Variants in SERPINB8 observed in about 807,000 individuals in gnomAD.
SERPINB8 encodes the protein serpin B8.
Under a neutral mutation model 35.3 loss-of-function variants are expected in SERPINB8, and 25 were observed. That is an observed-to-expected ratio of 0.71 (90% CI 0.52 to 0.99). The LOEUF is 0.99. SERPINB8 is among the 50% of genes least tolerant of loss of function. The pLI is 0.00. For synonymous variants in SERPINB8, 186 were observed against 160.8 expected (o/e 1.16, Z -1.19); for missense variants, 484 against 446.5 (o/e 1.08, Z -0.76).
rs144666367 is a variant in SERPINB8 at position 63,987,003 on chromosome 18, C to T, written c.850C>T (p.Arg284Ter). ...GAGTTATGACTTGGAGCCTTTCCTT[C>T]GAAGATTAGGAATGATCGATGCTTT... ...EESYDLEPFLRRLGMIDAFDE... is the reference protein window; with the variant it reads ...EESYDLEPFL The change falls in exon 7 of 7, where the codon CGA (arginine) becomes TGA (stop). Residue 284 changes from arginine (R) to a stop codon, truncating the protein, a stop_gained. Coordinates refer to ENST00000397985, the MANE Select transcript of SERPINB8 (RefSeq NM_002640.4). LOFTEE classifies it high-confidence loss of function. The T allele has an allele frequency of 4.5e-4, 729 of 1,614,170 alleles. 2 individuals carry two copies. Among genetic ancestry groups the T allele is most frequent in the Non-Finnish European group, 2.5e-4 (294 of 1,180,032 alleles).
At chr18:64,017,554 G>T (rs1568085037) in intron 7 of SERPINB8, among the ~76,000 whole-genome samples, 2 of 152,194 alleles carry the variant, frequency 1.3e-5, no homozygotes, top group East Asian at 3.9e-4. Context: ...TCCTGTACAT[G>T]AACTAGTTGA....
Position 63,987,278 on chromosome 18 carries a change from A to G in SERPINB8, c.1125A>G (p.Ter375=). 1.9e-6 allele frequency: 3 copies of G among 1,608,572 alleles called. No homozygotes were observed. Among genetic ancestry groups the G allele is most frequent in the Non-Finnish European group, 2.5e-6 (3 of 1,176,650 alleles). The change falls in exon 7 of 7, where the codon TAA becomes TAG. Residue 375 remains the stop codon, a stop_retained_variant. Coordinates refer to ENST00000397985, the MANE Select transcript of SERPINB8 (RefSeq NM_002640.4). ...ILFCGRFSSP[*] is the part of the protein sequence containing the mutation. ...TCTGTGGCAGGTTCTCTTCTCCGTA[A>G]AGAGGAGCAATTGCTGTACATACCC...
rs1200224888 is a variant in SERPINB8 at position 63,989,003 on chromosome 18, G to C, written c.*1725G>C. 6.6e-6 allele frequency: 1 copy of C among 152,070 alleles called. No homozygotes were observed. Among genetic ancestry groups the C allele is most frequent in the Admixed American group, 6.5e-5 (1 of 15,274 alleles). The allele number at this position is 152,070 out of a possible 1,614,324, so 9.4% of individuals were successfully genotyped here. A position where few individuals can be genotyped will look rare whatever the true frequency, so the allele number is the denominator to read the frequency against. The stretch of plus-strand genomic sequence containing the variant: ...CTATCATACTCCCAAATTCCTTCTT[G>C]CATCTTTGTAATTTCTCACTCTTCC... On this transcript the variant is annotated 3_prime_UTR_variant, in exon 7 of 7. Coordinates refer to ENST00000397985, the MANE Select transcript of SERPINB8 (RefSeq NM_002640.4).
intron 1 of SERPINB8, among the ~76,000 whole-genome samples, chr18:63,976,231 C>T (rs1001411382): frequency 1.3e-5 from 2 of 152,036 alleles, no homozygotes; most frequent in Admixed American, 6.6e-5. Context: ...CAAATGTTCT[C>T]AATTGTAAGA....
chr18:63,973,892 T>C (rs1234410003), intron 1 of SERPINB8, among the ~76,000 whole-genome samples: 1 of 152,256 alleles, frequency 6.6e-6, no homozygotes, highest in Non-Finnish European at 1.5e-5. Context: ...TACTGAAGCC[T>C]TGTAGTGTAG....
chr18:63,992,673 G>A (rs989671290), downstream of SERPINB8, among the ~76,000 whole-genome samples: 1 of 151,942 alleles, frequency 6.6e-6, no homozygotes, highest in Admixed American at 6.6e-5. Flanking sequence ...TGATGTAACC[G>A]ACCACGATCC....
chr18:64,004,163 C>T lies in SERPINB8; in HGVS notation c.71-656C>T, dbSNP rs142828628. On this transcript the variant is annotated intron_variant, in intron 1 of 1. Coordinates refer to the SERPINB8 transcript ENST00000493661. ...TTTTGCCTATATCTTTTTTGGAGAC[C>T]GGAAGACAATAGTGGTAATTTTAAA... Among the ~76,000 whole-genome samples the T allele has an allele frequency of 2.0e-3, 310 of 151,908 alleles. 1 individual carries two copies. Among genetic ancestry groups the T allele is most frequent in the African/African-American group, 6.9e-3 (285 of 41,414 alleles).
Position 63,987,185 on chromosome 18 carries a change from G to T in SERPINB8, c.1032G>T (p.Glu344Asp), listed in dbSNP as rs754997168. 6.2e-7 allele frequency: 1 copy of T among 1,614,198 alleles called. No homozygotes were observed. Among genetic ancestry groups the T allele is most frequent in the African/African-American group, 1.3e-5 (1 of 75,052 alleles). The part of the protein sequence containing the change: ...VVRNSRCSRM[E>D]PRFCADHPFL... The stretch of plus-strand genomic sequence containing the variant: ...GGAATTCCCGGTGCAGCAGAATGGA[G>T]CCAAGATTCTGTGCAGACCACCCTT... Residue 344 changes from glutamate to aspartate, a missense_variant, in exon 7 of 7, where the codon GAG becomes GAT. Glu to Asp is a conservative substitution (Grantham distance 45). Transcript: ENST00000397985.
intron 1 of SERPINB8, among the ~76,000 whole-genome samples, chr18:63,976,481 A>G (rs192532138): frequency 6.6e-6 from 1 of 152,296 alleles, no homozygotes; most frequent in African/African-American, 2.4e-5. Context: ...CTTGATGATT[A>G]CATTTCAAAA....
intron 1 of SERPINB8, chr18:64,004,809 C>T (rs2050892321): frequency 5.0e-6 from 2 of 398,504 alleles, no homozygotes; most frequent in Non-Finnish European, 4.4e-6. Context: ...CATCTTGTGC[C>T]TCCTAACAGG....
chr18:63,979,508 C>A (rs1356503455), intron 2 of SERPINB8, among the ~76,000 whole-genome samples: 2 of 152,030 alleles, frequency 1.3e-5, no homozygotes, highest in Non-Finnish European at 2.9e-5. Flanking sequence ...GGGACCCTTG[C>A]GAAGACCTGG....
chr18:64,014,433 T>C (rs1179198579), intron 7 of SERPINB8, among the ~76,000 whole-genome samples: 3 of 152,120 alleles, frequency 2.0e-5, no homozygotes, highest in Non-Finnish European at 4.4e-5. Flanking sequence ...AAAGGTAGCC[T>C]CATAGCTGGG....
downstream of SERPINB8, among the ~76,000 whole-genome samples, chr18:64,005,937 G>A (rs80184008): frequency 0.021 from 3,157 of 152,222 alleles, 47 homozygotes; most frequent in Non-Finnish European, 0.03. Flanking sequence ...CAAGGTGCCC[G>A]CTGATATTAT....
At chr18:63,995,319 C>T (rs2050844114) in intron 1 of SERPINB8, among the ~76,000 whole-genome samples, 1 of 152,192 alleles carries the variant, frequency 6.6e-6, no homozygotes, top group Non-Finnish European at 1.5e-5. Flanking sequence ...TAGCCAATGT[C>T]AGAGTTCAGT....
intron 1 of SERPINB8, among the ~76,000 whole-genome samples, chr18:63,997,653 T>C (rs2050856628): frequency 6.6e-6 from 1 of 152,198 alleles, no homozygotes; most frequent in African/African-American, 2.4e-5. Flanking sequence ...CTACCCAGGC[T>C]CCCTCAACAA....
chr18:64,004,396 A>G (rs536466957), intron 1 of SERPINB8, among the ~76,000 whole-genome samples: 33 of 152,304 alleles, frequency 2.2e-4, no homozygotes, highest in Admixed American at 5.9e-4. Flanking sequence ...AGAGGAAAAA[A>G]GCCCTAGAGA....
chr18:63,976,727 G>C (rs2050587729), intron 1 of SERPINB8, among the ~76,000 whole-genome samples: 1 of 152,178 alleles, frequency 6.6e-6, no homozygotes, highest in African/African-American at 2.4e-5. Context: ...GGAATGTTAA[G>C]ACCCTCTTAG....
chr18:63,987,009 T>G lies in SERPINB8; in HGVS notation c.856T>G (p.Leu286Val). 6.2e-7 allele frequency: 1 copy of G among 1,614,160 alleles called. No individual in the cohort carries two copies. The highest frequency in any genetic ancestry group is 1.1e-5 in the South Asian group (1 of 91,080). ...TGACTTGGAGCCTTTCCTTCGAAGA[T>G]TAGGAATGATCGATGCTTTTGACGA... is the stretch of plus-strand genomic sequence containing the variant. ...SYDLEPFLRRLGMIDAFDEAK... is the reference protein window; with the variant it reads ...SYDLEPFLRRVGMIDAFDEAK... The change falls in exon 7 of 7, where the codon TTA (leucine) becomes GTA (valine). Residue 286 changes from leucine (L) to valine (V), a missense_variant. By Grantham distance (32) the Leu-to-Val change is conservative (BLOSUM62 1). Coordinates refer to ENST00000397985, the MANE Select transcript of SERPINB8 (RefSeq NM_002640.4).
downstream of SERPINB8, among the ~76,000 whole-genome samples, chr18:64,010,213 A>G (rs2050919731): frequency 6.6e-6 from 1 of 152,150 alleles, no homozygotes; most frequent in Non-Finnish European, 1.5e-5. Flanking sequence ...GAGAAAACAA[A>G]CTAAAATAGA....
Sources: gnomAD v4.1 joint callset for allele counts (sites outside exome capture counted in the v4.1 genomes callset) on GRCh38, gnomAD v4.1.1 for gene constraint, MANE v1.5 for transcripts, NCBI Gene and HGNC (gene_info 2026-07-23, HGNC 2026-07-21) for gene names.